CNOT6: variants seen among roughly 807,000 people sequenced by gnomAD.
The protein encoded by CNOT6 is CCR4-NOT transcription complex subunit 6, also known as carbon catabolite repression 4 protein.
CNOT6 carries 12 observed loss-of-function variants against 61.2 expected under a neutral mutation model. The observed-to-expected ratio is 0.20, with a 90% CI of 0.13 to 0.32. CNOT6 has a LOEUF of 0.32. Among genes scored for constraint, CNOT6 ranks in the 10% least tolerant of loss-of-function variants. CNOT6 has a pLI of 1.00. For synonymous variants in CNOT6, 225 were observed against 240.6 expected, an observed-to-expected ratio of 0.94 and a Z score of 0.60; for missense variants, 405 against 663.9, an observed-to-expected ratio of 0.61 and a Z score of 4.28.
intron 4 of CNOT6, among the ~76,000 whole-genome samples, chr5:180,555,033 G>A (rs1453915395): frequency 6.7e-6 from 1 of 149,324 alleles, no homozygotes; most frequent in Non-Finnish European, 1.5e-5. Context: ...TTGAGAGAGA[G>A]TCTCTTGTCG....
intron 1 of CNOT6, among the ~76,000 whole-genome samples, chr5:180,519,100 A>T (rs1362627504): frequency 6.6e-6 from 1 of 152,232 alleles, no homozygotes; most frequent in Non-Finnish European, 1.5e-5. Flanking sequence ...AATTGTAATC[A>T]GGGACACGTG....
chr5:180,573,330 G>A (rs1760846137), intron 11 of CNOT6, among the ~76,000 whole-genome samples: 1 of 152,108 alleles, frequency 6.6e-6, no homozygotes, highest in South Asian at 2.1e-4. Context: ...GGTGTGATGA[G>A]AGAGACAAGT....
chr5:180,513,236 C>G (rs751635543), intron 1 of CNOT6, among the ~76,000 whole-genome samples: 9 of 152,112 alleles, frequency 5.9e-5, no homozygotes, highest in Non-Finnish European at 7.3e-5. Context: ...GTCGCTCAGA[C>G]TGGAGTGCAG....
intron 2 of CNOT6, among the ~76,000 whole-genome samples, chr5:180,548,736 G>C (rs967405646): frequency 6.6e-6 from 1 of 152,186 alleles, no homozygotes; most frequent in Non-Finnish European, 1.5e-5. Flanking sequence ...GGTTGTCACA[G>C]GTGGCATGGT....
intron 1 of CNOT6, among the ~76,000 whole-genome samples, chr5:180,526,546 G>GT (rs1445003235): frequency 6.6e-6 from 1 of 152,170 alleles, no homozygotes; most frequent in African/African-American, 2.4e-5. Context: ...GGTGTTAGAG[G>GT]TTTGAAGACA....
chr5:180,497,015 CTGTACA>C (rs1366588734), intron 1 of CNOT6, among the ~76,000 whole-genome samples: 1 of 152,174 alleles, frequency 6.6e-6, no homozygotes, highest in Non-Finnish European at 1.5e-5. Flanking sequence ...AATTTGCCCA[CTGTACA>C]TGTAGTTTAA....
chr5:180,562,706 C>G (rs988227050), intron 4 of CNOT6, among the ~76,000 whole-genome samples: 1 of 151,990 alleles, frequency 6.6e-6, no homozygotes. Context: ...TGCCACTGCA[C>G]TCCAGCCTGG....
rs1761002253 is a variant in CNOT6, at chr5:180,576,398, C to G, written c.*2198C>G. ...GGAGGATGTCATCTTTTCATAGATGCTGGAACTAGAGTGCACTTGTTAGAT... is the reference window on the plus strand; with the variant it reads ...GGAGGATGTCATCTTTTCATAGATGGTGGAACTAGAGTGCACTTGTTAGAT... On this transcript the variant is annotated 3_prime_UTR_variant, in exon 12 of 12. Coordinates refer to ENST00000261951, the MANE Select transcript of CNOT6 (RefSeq NM_001370472.1). 6.6e-6 allele frequency: 1 copy of G among 152,602 alleles called. No homozygotes were observed. The highest frequency in any genetic ancestry group is 1.5e-5 in the Non-Finnish European group (1 of 68,036). 9.5% of individuals were successfully genotyped at this position (152,602 alleles called of 1,614,324 possible).
At chr5:180,558,291 A>G (rs1454116367) in intron 4 of CNOT6, among the ~76,000 whole-genome samples, 1 of 152,014 alleles carries the variant, frequency 6.6e-6, no homozygotes, top group African/African-American at 2.4e-5. Flanking sequence ...GGAGAGGGAG[A>G]TGGCAAGGAC....
At chr5:180,565,998 T>TC (rs1167974895) in intron 7 of CNOT6, 21 bp downstream of exon 7, 1 of 1,605,228 alleles carries the variant, frequency 6.2e-7, no homozygotes, top group East Asian at 2.2e-5. Context: ...CAGAAGACAG[T>TC]CAACCTAGCA....
At chr5:180,548,391 A>G (rs1759419466) in intron 2 of CNOT6, among the ~76,000 whole-genome samples, 1 of 152,122 alleles carries the variant, frequency 6.6e-6, no homozygotes, top group African/African-American at 2.4e-5. Context: ...GTGTCGATCA[A>G]TACCCTGTTG....
At chr5:180,568,241 T>G (rs955319420) in intron 9 of CNOT6, among the ~76,000 whole-genome samples, 1 of 151,962 alleles carries the variant, frequency 6.6e-6, no homozygotes, top group Non-Finnish European at 1.5e-5. Flanking sequence ...TTTTTTTTTT[T>G]TTTTGCTCCT....
intron 1 of CNOT6, among the ~76,000 whole-genome samples, chr5:180,497,900 A>G (rs1365663822): frequency 1.3e-5 from 2 of 151,980 alleles, no homozygotes; most frequent in African/African-American, 2.4e-5. Context: ...AAAATTAGCC[A>G]GGCGCAGTGG....
At chr5:180,512,498 T>C (rs1256675161) in intron 1 of CNOT6, among the ~76,000 whole-genome samples, 2 of 152,228 alleles carry the variant, frequency 1.3e-5, no homozygotes. Context: ...GTAGAGATCT[T>C]AAAGGGGAAG....
chr5:180,544,819 C>T (rs983665829), intron 2 of CNOT6, among the ~76,000 whole-genome samples: 3 of 152,148 alleles, frequency 2.0e-5, no homozygotes, highest in Non-Finnish European at 4.4e-5. Flanking sequence ...GGGAACCAGG[C>T]GCAGTGGCTC....
intron 2 of CNOT6, among the ~76,000 whole-genome samples, chr5:180,533,327 TATA>T (rs1758492981): frequency 3.0e-5 from 2 of 66,590 alleles, no homozygotes; most frequent in South Asian, 1.1e-3. Flanking sequence ...TATATATATA[TATA>T]TATATATATA....
chr5:180,566,923 G>A (rs1390647679), intron 7 of CNOT6, among the ~76,000 whole-genome samples, 165 bp from the exon 8 acceptor site: 1 of 152,010 alleles, frequency 6.6e-6, no homozygotes, highest in African/African-American at 2.4e-5. Context: ...CAAAGTGCTG[G>A]GGTTACAGAC....
chr5:180,501,332 T>A (rs879543917), intron 1 of CNOT6, among the ~76,000 whole-genome samples: 13 of 152,188 alleles, frequency 8.5e-5, no homozygotes, highest in Non-Finnish European at 1.6e-4. Context: ...TTGAGTATGA[T>A]TCAGAACTTG....
chr5:180,525,199 A>G (rs1581498870), intron 1 of CNOT6, among the ~76,000 whole-genome samples: 1 of 152,158 alleles, frequency 6.6e-6, no homozygotes, highest in East Asian at 1.9e-4. Flanking sequence ...AGGATTACTT[A>G]CTTCCTTCTG....
Sources: gnomAD v4.1 joint callset for allele counts (sites outside exome capture counted in the v4.1 genomes callset) on GRCh38, gnomAD v4.1.1 for gene constraint, MANE v1.5 for transcripts, NCBI Gene and HGNC (gene_info 2026-07-23, HGNC 2026-07-21) for gene names.